Variants in LMNB1 observed in about 807,000 individuals in gnomAD.
LMNB1 encodes the protein lamin B1, also known as lamin-B1.
LMNB1 carries 23 observed loss-of-function variants against 67.1 expected under a neutral mutation model. That is an observed-to-expected ratio of 0.34 (90% CI 0.25 to 0.49). The LOEUF (loss-of-function observed/expected upper bound fraction) is 0.49, where lower values mean the gene tolerates loss of function less well. LMNB1 is among the 20% of genes least tolerant of loss of function. The pLI, the probability that LMNB1 is intolerant of heterozygous loss-of-function variation, is 0.99. For missense variants in LMNB1, 634 were observed against 746.5 expected (o/e 0.85, Z 1.76); for synonymous variants, 281 against 282.9 (o/e 0.99, Z 0.07).
At chr5:126,816,664 GT>G (rs1296085419) in intron 5 of LMNB1, among the ~76,000 whole-genome samples, 1 of 152,192 alleles carries the variant, frequency 6.6e-6, no homozygotes, top group Non-Finnish European at 1.5e-5. Flanking sequence ...GTCTGTGACA[GT>G]TTCTTGGGCT....
intron 1 of LMNB1, among the ~76,000 whole-genome samples, chr5:126,790,623 A>G (rs1051588838): frequency 1.3e-5 from 2 of 152,020 alleles, no homozygotes; most frequent in African/African-American, 4.8e-5. Context: ...TAGAACATCA[A>G]ATCATTTAGG....
intron 5 of LMNB1, among the ~76,000 whole-genome samples, chr5:126,812,871 C>A (rs1431488916): frequency 3.3e-5 from 5 of 152,022 alleles, no homozygotes; most frequent in African/African-American, 1.2e-4. Context: ...GCTGGGACTA[C>A]AAGTGCGTGC....
chr5:126,829,423 G>A (rs1481926747), intron 9 of LMNB1, among the ~76,000 whole-genome samples: 1 of 151,862 alleles, frequency 6.6e-6, no homozygotes, highest in Non-Finnish European at 1.5e-5. Flanking sequence ...GGAGTTTATA[G>A]ATTGTTGCTA....
chr5:126,819,007 A>AAG lies in LMNB1; in HGVS notation c.1035_1036dup (p.Met346ArgfsTer5), dbSNP rs764548095. On this transcript the variant is annotated frameshift_variant, in exon 6 of 11. Transcript: ENST00000261366. LOFTEE classifies it high-confidence loss of function. The stretch of plus-strand genomic sequence containing the variant: ...AACTCTCGTCGCATGCTGACAGACA[A>AAG]AGAGAGAGAGATGGCGGAAATAAGG... 1.2e-6 allele frequency: 2 copies of AAG among 1,614,080 alleles called. No homozygotes were observed. Among genetic ancestry groups the AAG allele is most frequent in the Admixed American group, 1.7e-5 (1 of 60,032 alleles).
Position 126,811,754 on chromosome 5 carries a change from G to T in LMNB1, c.814-19G>T, listed in dbSNP as rs768634175. ...TTCAGTTCTAGATAAGACTGACTAT[G>T]CTTTGCTTCTTCTTTTAGCTTGAGA... On this transcript the variant is annotated intron_variant, in intron 4 of 10. Transcript: ENST00000261366. The T allele has an allele frequency of 1.9e-6, 3 of 1,596,748 alleles. No individual in the cohort carries two copies. The highest frequency in any genetic ancestry group is 2.6e-6 in the Non-Finnish European group (3 of 1,166,266).
At chr5:126,788,886 GT>G (rs909561155) in intron 1 of LMNB1, among the ~76,000 whole-genome samples, 1 of 115,394 alleles carries the variant, frequency 8.7e-6, no homozygotes, top group Admixed American at 1.0e-4. Flanking sequence ...AAGGAGACAA[GT>G]TTTTTTTTGT....
chr5:126,836,892 TGGGGGAGGGA>T lies in LMNB1; in HGVS notation c.*631_*640del, dbSNP rs1752261048. On this transcript the variant is annotated 3_prime_UTR_variant, in exon 11 of 11. Coordinates refer to ENST00000261366, the MANE Select transcript of LMNB1 (RefSeq NM_005573.4). ...TTAGATTCTTAATTCATGAGGAGGG[TGGGGGAGGGA>T]GGTGGAGGGAGGGAAGGGTTTCTCT... The T allele has an allele frequency of 3.0e-5, 1 of 33,156 alleles. No individual in the cohort carries two copies. Among genetic ancestry groups the T allele is most frequent in the Admixed American group, 5.0e-4 (1 of 2,002 alleles). The allele number at this position is 33,156 out of a possible 1,614,324, so 2.1% of individuals were successfully genotyped here.
chr5:126,833,932 C>T (rs1752191401), intron 10 of LMNB1, among the ~76,000 whole-genome samples: 2 of 152,218 alleles, frequency 1.3e-5, no homozygotes, highest in African/African-American at 4.8e-5. Flanking sequence ...CATTGCTTCA[C>T]TAACAGACCA....
Position 126,820,890 on chromosome 5 carries a change from G to C in LMNB1, c.1161-20G>C, listed in dbSNP as rs750400119. The C allele has an allele frequency of 1.3e-6, 2 of 1,500,490 alleles. No homozygotes were observed. Among genetic ancestry groups the C allele is most frequent in the Non-Finnish European group, 1.9e-6 (2 of 1,080,120 alleles). 92.9% of individuals were successfully genotyped at this position (1,500,490 alleles called of 1,614,324 possible). ...GGCATATGTGTTTTAAAAATGAATT[G>C]TTTTATTTTTCCCATATAGGTTGAA... On this transcript the variant is annotated intron_variant, in intron 6 of 10. Transcript: ENST00000261366.
chr5:126,796,203 A>G (rs1003916553), intron 1 of LMNB1, among the ~76,000 whole-genome samples: 19 of 152,208 alleles, frequency 1.2e-4, no homozygotes, highest in African/African-American at 4.1e-4. Flanking sequence ...TGCTGGGATT[A>G]TAGGTGTGAG....
intron 1 of LMNB1, among the ~76,000 whole-genome samples, chr5:126,779,846 C>T (rs936698237): frequency 1.8e-4 from 28 of 152,142 alleles, no homozygotes; most frequent in Non-Finnish European, 2.9e-5. Flanking sequence ...TCCTGGCTAA[C>T]AAGGTGAAAC....
chr5:126,834,604 C>T (rs906483453), intron 10 of LMNB1, among the ~76,000 whole-genome samples: 5 of 152,186 alleles, frequency 3.3e-5, no homozygotes, highest in Admixed American at 6.5e-5. Flanking sequence ...AGAATGTGGC[C>T]GGGCACGGTG....
intron 10 of LMNB1, among the ~76,000 whole-genome samples, chr5:126,834,732 C>T (rs1459841872): frequency 2.0e-5 from 3 of 151,936 alleles, no homozygotes; most frequent in South Asian, 4.2e-4. Flanking sequence ...AAAAATTAGC[C>T]GGGCGTGGTG....
intron 3 of LMNB1, among the ~76,000 whole-genome samples, chr5:126,806,582 C>G (rs555788561): frequency 6.6e-6 from 1 of 152,114 alleles, no homozygotes; most frequent in South Asian, 2.1e-4. Context: ...ATATGGCCCC[C>G]CTAAGGGTCA....
Position 126,811,801 on chromosome 5 carries a change from T to C in LMNB1, c.842T>C (p.Met281Thr). ...GAGAATGCCAGACTGTCATCAGAGA[T>C]GAATACTTCTACTGTCAACAGTGCC... ...KLENARLSSEMNTSTVNSARE... is the reference protein window; with the variant it reads ...KLENARLSSETNTSTVNSARE... Residue 281 changes from methionine to threonine, a missense_variant, in exon 5 of 11, where the codon ATG (methionine) becomes ACG (threonine). Coordinates refer to ENST00000261366, the MANE Select transcript of LMNB1 (RefSeq NM_005573.4). 6.2e-7 allele frequency: 1 copy of C among 1,609,928 alleles called. No individual in the cohort carries two copies. The highest frequency in any genetic ancestry group is 8.5e-7 in the Non-Finnish European group (1 of 1,176,496).
At chr5:126,825,958 G>A (rs778003558) in intron 8 of LMNB1, 30 bp from the exon 9 acceptor site, 1 of 1,612,618 alleles carries the variant, frequency 6.2e-7, no homozygotes, top group Admixed American at 1.7e-5. Flanking sequence ...CTGGGTTCTG[G>A]GTGTACTGAC....
Position 126,832,694 on chromosome 5 carries a change from G to T in LMNB1, c.1612G>T (p.Glu538Ter), listed in dbSNP as rs1283539310. 6.2e-7 allele frequency: 1 copy of T among 1,604,620 alleles called. No homozygotes were observed. The highest frequency in any genetic ancestry group is 1.7e-5 in the Admixed American group (1 of 59,882). Residue 538 changes from glutamate to a stop codon, truncating the protein, a stop_gained and splice_region_variant, in exon 10 of 11, where the codon GAG becomes TAG. Coordinates refer to ENST00000261366, the MANE Select transcript of LMNB1 (RefSeq NM_005573.4). LOFTEE classifies it high-confidence loss of function. ...KVILKNSQGE[E>*]VAQRSTVFKT... ...TAACTTAAACTACTATTGTTTTTAGGAGGTTGCTCAAAGAAGTACAGTCTT... is the reference window on the plus strand; with the variant it reads ...TAACTTAAACTACTATTGTTTTTAGTAGGTTGCTCAAAGAAGTACAGTCTT...
At chr5:126,795,629 C>G (rs1751068551) in intron 1 of LMNB1, among the ~76,000 whole-genome samples, 1 of 151,840 alleles carries the variant, frequency 6.6e-6, no homozygotes, top group Admixed American at 6.6e-5. Context: ...TTTGTTTGTT[C>G]ATTTGTTTGT....
Position 126,777,836 on chromosome 5 carries a change from T to A in LMNB1, c.328T>A (p.Cys110Ser). The stretch of plus-strand genomic sequence containing the variant: ...CAAGCTGCAGATCGAGCTGGGCAAG[T>A]GCAAGGCGGAACACGACCAGCTGCT... ...RAKLQIELGK[C>S]KAEHDQLLLN... The change falls in exon 1 of 11, where the codon TGC becomes AGC. Residue 110 changes from cysteine to serine, a missense_variant. Cys to Ser is a moderately radical substitution (Grantham distance 112, BLOSUM62 -1). Coordinates refer to ENST00000261366, the MANE Select transcript of LMNB1 (RefSeq NM_005573.4). 6.9e-7 allele frequency: 1 copy of A among 1,456,718 alleles called. No individual in the cohort carries two copies. The highest frequency in any genetic ancestry group is 9.1e-7 in the Non-Finnish European group (1 of 1,102,396). 90.2% of individuals were successfully genotyped at this position (1,456,718 alleles called of 1,614,324 possible). A position where few individuals can be genotyped will look rare whatever the true frequency, so the allele number is the denominator to read the frequency against.
Sources: allele counts gnomAD v4.1 joint callset (sites outside exome capture counted in the v4.1 genomes callset), GRCh38; gene constraint gnomAD v4.1.1; transcripts MANE v1.5; gene names NCBI Gene and HGNC (gene_info 2026-07-23, HGNC 2026-07-21).